The following MAP2 variants were observed in gnomAD, a reference collection of about 807,000 sequenced individuals.
The protein encoded by MAP2 is microtubule associated protein 2.
Under a neutral mutation model 137.6 loss-of-function variants are expected in MAP2, and 14 were observed. The observed-to-expected ratio is 0.10, with a 90% CI of 0.07 to 0.16. The LOEUF (loss-of-function observed/expected upper bound fraction) is 0.16, where lower values mean the gene tolerates loss of function less well. Ranked by LOEUF, MAP2 falls within the 10% of genes least tolerant of loss-of-function variation. The probability of loss-of-function intolerance (pLI) is 1.00; values close to 1 mark genes in which losing one functional copy is unlikely to be tolerated. For synonymous variants in MAP2, 786 were observed against 782.3 expected, an observed-to-expected ratio of 1.00 and a Z score of -0.08; for missense variants, 2,088 against 2,191.5, an observed-to-expected ratio of 0.95 and a Z score of 0.94.
At chr2:209,674,099 T>C (rs2050143744) in intron 5 of MAP2, among the ~76,000 whole-genome samples, 1 of 151,700 alleles carries the variant, frequency 6.6e-6, no homozygotes, top group Non-Finnish European at 1.5e-5. Flanking sequence ...TCTCATATCT[T>C]TGCCTTGGAA....
intron 2 of MAP2, among the ~76,000 whole-genome samples, chr2:209,558,634 A>G (rs1271772933): frequency 6.6e-6 from 1 of 150,850 alleles, no homozygotes; most frequent in Non-Finnish European, 1.5e-5. Context: ...AATATTATCT[A>G]GTATGTAACC....
chr2:209,593,634 A>AAAAAAATATATAT (rs1286103137), intron 3 of MAP2, among the ~76,000 whole-genome samples: 1 of 33,642 alleles, frequency 3.0e-5, no homozygotes. Context: ...AAAAAAAAAA[A>AAAAAAATATATAT]ATATATATAT....
rs771222437 is a variant in MAP2 at position 209,694,344 on chromosome 2, C to G, written c.2174C>G (p.Ser725Cys). The G allele has an allele frequency of 6.2e-7, 1 of 1,614,124 alleles. No individual in the cohort carries two copies. The highest frequency in any genetic ancestry group is 8.5e-7 in the Non-Finnish European group (1 of 1,180,010). Reference sequence around the variant, plus strand: ...AACTTTGGTCGGGGACATGATCTTTCTCCTCTGGCTTCCGATATTCTAACC... The same window carrying G: ...AACTTTGGTCGGGGACATGATCTTTGTCCTCTGGCTTCCGATATTCTAACC... ...GFNFGRGHDL[S>C]PLASDILTNT... The change falls in exon 8 of 16, where the codon TCT becomes TGT. Residue 725 changes from serine to cysteine, a missense_variant. Transcript: ENST00000682079.
intron 1 of MAP2, among the ~76,000 whole-genome samples, chr2:209,505,692 C>T (rs1199865098): frequency 6.7e-6 from 1 of 148,898 alleles, no homozygotes. Flanking sequence ...AACATTTTGG[C>T]CAGGCACGGT....
At chr2:209,709,102 C>T (rs907814835) in intron 12 of MAP2, among the ~76,000 whole-genome samples, 2 of 152,094 alleles carry the variant, frequency 1.3e-5, no homozygotes, top group African/African-American at 4.8e-5. Context: ...CTGAGCTCAA[C>T]TTGAGGCAAA....
chr2:209,454,251 A>C (rs766697477), intron 1 of MAP2, among the ~76,000 whole-genome samples: 7 of 152,022 alleles, frequency 4.6e-5, no homozygotes, highest in African/African-American at 7.2e-5. Context: ...ATAAGAAAAA[A>C]GGAATCATTC....
intron 1 of MAP2, among the ~76,000 whole-genome samples, chr2:209,451,690 T>C (rs905158583): frequency 1.3e-5 from 2 of 152,224 alleles, no homozygotes; most frequent in Admixed American, 6.5e-5. Flanking sequence ...AACAGGGCTT[T>C]AGTGTTTAAT....
chr2:209,715,143 A>T (rs1229857514), intron 13 of MAP2, among the ~76,000 whole-genome samples: 2 of 152,070 alleles, frequency 1.3e-5, no homozygotes, highest in Non-Finnish European at 2.9e-5. Flanking sequence ...GCATTTTATC[A>T]TATTTTTTGT....
chr2:209,543,109 A>G (rs562443123), intron 2 of MAP2, among the ~76,000 whole-genome samples: 8 of 152,328 alleles, frequency 5.3e-5, no homozygotes, highest in African/African-American at 1.7e-4. Context: ...TTTAACATTT[A>G]AAAGTCATGG....
intron 2 of MAP2, among the ~76,000 whole-genome samples, chr2:209,577,040 T>C (rs2075475015): frequency 6.6e-6 from 1 of 152,220 alleles, no homozygotes; most frequent in African/African-American, 2.4e-5. Context: ...GCTTTCATGA[T>C]AGAATATGAT....
chr2:209,576,506 C>G (rs189381960), intron 2 of MAP2, among the ~76,000 whole-genome samples: 258 of 152,186 alleles, frequency 1.7e-3, no homozygotes, highest in African/African-American at 5.9e-3. Flanking sequence ...CTCAGCCTCC[C>G]AAAGTGCTGA....
chr2:209,655,162 C>T (rs1191938768), intron 5 of MAP2, among the ~76,000 whole-genome samples: 2 of 152,178 alleles, frequency 1.3e-5, no homozygotes, highest in East Asian at 1.9e-4. Flanking sequence ...GGCTAATAGA[C>T]GTTTCTTTTA....
chr2:209,576,588 A>G (rs1160860241), intron 2 of MAP2, among the ~76,000 whole-genome samples: 3 of 152,102 alleles, frequency 2.0e-5, no homozygotes, highest in Non-Finnish European at 2.9e-5. Flanking sequence ...TTGAAAAGGA[A>G]ATCCTGTTTC....
At chr2:209,640,526 G>A (rs1037570567) in intron 4 of MAP2, among the ~76,000 whole-genome samples, 1 of 149,272 alleles carries the variant, frequency 6.7e-6, no homozygotes, top group African/African-American at 2.5e-5. Context: ...TCACTGATAA[G>A]GAATGCAATC....
chr2:209,724,864 TGG>T (rs2073239246), intron 13 of MAP2, among the ~76,000 whole-genome samples: 1 of 152,192 alleles, frequency 6.6e-6, no homozygotes, highest in Non-Finnish European at 1.5e-5. Flanking sequence ...TATCAGAGGA[TGG>T]ACCCAGCTAT....
chr2:209,575,874 C>A (rs1230700479), intron 2 of MAP2, among the ~76,000 whole-genome samples: 1 of 151,998 alleles, frequency 6.6e-6, no homozygotes, highest in Non-Finnish European at 1.5e-5. Flanking sequence ...AAGTAAAATG[C>A]AGCAGGGAAT....
At chr2:209,622,007 A>G (rs577100362) in intron 3 of MAP2, among the ~76,000 whole-genome samples, 2 of 152,306 alleles carry the variant, frequency 1.3e-5, no homozygotes, top group Admixed American at 1.3e-4. Context: ...TGTACATCCT[A>G]TTCTCTGCCT....
intron 3 of MAP2, among the ~76,000 whole-genome samples, chr2:209,613,637 C>T (rs1002164594): frequency 6.6e-6 from 1 of 152,154 alleles, no homozygotes; most frequent in African/African-American, 2.4e-5. Flanking sequence ...TGGAATTAGA[C>T]CACTGAAAGA....
At chr2:209,598,718 A>G (rs2082118431) in intron 3 of MAP2, among the ~76,000 whole-genome samples, 1 of 151,016 alleles carries the variant, frequency 6.6e-6, no homozygotes, top group Non-Finnish European at 1.5e-5. Flanking sequence ...TGTTCTTGCA[A>G]TAGTTTACTG....
Sources: gnomAD v4.1 joint callset for allele counts (sites outside exome capture counted in the v4.1 genomes callset) on GRCh38, gnomAD v4.1.1 for gene constraint, MANE v1.5 for transcripts, NCBI Gene and HGNC (gene_info 2026-07-23, HGNC 2026-07-21) for gene names.